Variants in ANKRD44 observed in about 807,000 individuals in gnomAD.
ANKRD44 encodes the protein serine/threonine-protein phosphatase 6 regulatory ankyrin repeat subunit B.
In ANKRD44, 35 loss-of-function variants were observed where a neutral mutation model predicts 116.0. The observed-to-expected ratio is 0.30, with a 90% CI of 0.23 to 0.40. The LOEUF (loss-of-function observed/expected upper bound fraction) is 0.40, where lower values mean the gene tolerates loss of function less well. Among genes scored for constraint, ANKRD44 ranks in the 10% least tolerant of loss-of-function variants. The pLI is 1.00. For synonymous variants in ANKRD44, 435 were observed against 461.8 expected, an observed-to-expected ratio of 0.94 and a Z score of 0.74; for missense variants, 1,014 against 1,242.6, an observed-to-expected ratio of 0.82 and a Z score of 2.77.
chr2:197,010,718 T>C (rs925306393), intron 18 of ANKRD44, among the ~76,000 whole-genome samples: 1 of 152,228 alleles, frequency 6.6e-6, no homozygotes, highest in Non-Finnish European at 1.5e-5. Flanking sequence ...AAATGTGACC[T>C]TCTCTCCTCT....
intron 17 of ANKRD44, chr2:197,015,751 G>A (rs994683136): frequency 1.9e-6 from 1 of 539,502 alleles, no homozygotes. Flanking sequence ...AGGGGGCTAT[G>A]GTGGTGGTGG....
At chr2:197,297,698 T>C (rs181938274) in intron 1 of ANKRD44, among the ~76,000 whole-genome samples, 152 of 152,340 alleles carry the variant, frequency 1.0e-3, no homozygotes, top group African/African-American at 3.5e-3. Flanking sequence ...GGAGCATTTT[T>C]GGAAATTGTT....
intron 1 of ANKRD44, among the ~76,000 whole-genome samples, chr2:197,248,574 G>GTATATATATATATATATATATATA (rs1237255982): frequency 8.4e-6 from 1 of 118,788 alleles, no homozygotes; most frequent in African/African-American, 2.9e-5. Context: ...GTGTGTGTGT[G>GTATATATATATATATATATATATA]TGTGTATATA....
chr2:197,041,833 C>A (rs993112468), intron 16 of ANKRD44, among the ~76,000 whole-genome samples: 1 of 152,072 alleles, frequency 6.6e-6, no homozygotes, highest in Non-Finnish European at 1.5e-5. Flanking sequence ...ATGAAATACA[C>A]AATAAAGAAC....
chr2:196,970,232 A>G (rs572670652), intron 21 of ANKRD44, among the ~76,000 whole-genome samples: 7 of 152,326 alleles, frequency 4.6e-5, no homozygotes, highest in African/African-American at 1.4e-4. Context: ...TCAGCCTTCA[A>G]CCATGGTTAT....
rs147297987 is a variant in ANKRD44, at chr2:197,242,251, TATAAC to T, written c.28-55150_28-55146del. Among the ~76,000 whole-genome samples the T allele has an allele frequency of 7.0e-3, 1,065 of 152,306 alleles. 17 individuals are homozygous for T. The highest frequency in any genetic ancestry group is 0.024 in the African/African-American group (1,008 of 41,590). ...TAATTGATAAACAGTACAGAAAAGT[TATAAC>T]AGATCTATGTAGCAAATATTTTATA... On this transcript the variant is annotated intron_variant, in intron 1 of 27. Transcript: ENST00000282272.
At position 197,007,838 on chromosome 2, in the gene ANKRD44, C is replaced by T; in HGVS notation, c.2098G>A (p.Asp700Asn). The T allele has an allele frequency of 6.2e-7, 1 of 1,613,846 alleles. No homozygotes were observed. Among genetic ancestry groups the T allele is most frequent in the Non-Finnish European group, 8.5e-7 (1 of 1,179,844 alleles). The change falls in exon 20 of 28, where the codon GAC becomes AAC. Residue 700 changes from aspartate to asparagine, a missense_variant. Coordinates refer to ENST00000282272, the MANE Select transcript of ANKRD44 (RefSeq NM_001195144.2). The part of the protein sequence containing the change: ...LEKEANVDTV[D>N]ILGCTALHRG... ...TGTAAAGCTGTGCATCCTAGGATGTCAACAGTGTCTACGTTGGCTTCCTTT... is the reference window on the plus strand; with the variant it reads ...TGTAAAGCTGTGCATCCTAGGATGTTAACAGTGTCTACGTTGGCTTCCTTT...
intron 21 of ANKRD44, among the ~76,000 whole-genome samples, chr2:196,978,260 C>T (rs1422633283): frequency 6.6e-6 from 1 of 150,386 alleles, no homozygotes; most frequent in African/African-American, 2.4e-5. Flanking sequence ...GAGTGTGGCA[C>T]CTCTCCCCTC....
intron 15 of ANKRD44, among the ~76,000 whole-genome samples, 181 bp from the exon 16 acceptor site, chr2:197,078,995 G>GTGTGTGTA: frequency 6.6e-6 from 1 of 151,944 alleles, no homozygotes; most frequent in Non-Finnish European, 1.5e-5. Context: ...GTGTGTGTGT[G>GTGTGTGTA]TGTATGTTTT....
In ANKRD44 at chr2:196,993,673, G is replaced by T; in HGVS notation, c.2833C>A (p.Pro945Thr). 6.4e-7 allele frequency: 1 copy of T among 1,550,616 alleles called. No homozygotes were observed. The highest frequency in any genetic ancestry group is 8.7e-7 in the Non-Finnish European group (1 of 1,146,834). The change falls in exon 27 of 28, where the codon CCC (proline) becomes ACC (threonine). Residue 945 changes from proline to threonine, a missense_variant and splice_region_variant. Transcript: ENST00000282272. ...INEKNNALQTPLHVAARNGLK... is the reference protein window; with the variant it reads ...INEKNNALQTTLHVAARNGLK... ...CCATTGCGCGCAGCGACGTGGAGGG[G>T]TCTAAAAAACACAAGACCGAGCATC...
chr2:196,972,737 G>C (rs899433388), intron 21 of ANKRD44, among the ~76,000 whole-genome samples: 20 of 152,126 alleles, frequency 1.3e-4, no homozygotes, highest in African/African-American at 4.8e-4. Flanking sequence ...TTTCTGATTG[G>C]TAGGTATCTG....
chr2:197,275,765 G>A (rs1169885522), intron 1 of ANKRD44, among the ~76,000 whole-genome samples: 2 of 152,044 alleles, frequency 1.3e-5, no homozygotes, highest in African/African-American at 2.4e-5. Flanking sequence ...GAGCAGGAAC[G>A]CTACAGTCCT....
intron 17 of ANKRD44, among the ~76,000 whole-genome samples, chr2:197,019,666 T>C (rs1196391487): frequency 6.6e-6 from 1 of 152,214 alleles, no homozygotes; most frequent in Non-Finnish European, 1.5e-5. Flanking sequence ...AAGTTATATG[T>C]TCCCGTAACC....
intron 8 of ANKRD44, among the ~76,000 whole-genome samples, chr2:197,120,648 T>A (rs1361647704): frequency 4.0e-5 from 6 of 149,920 alleles, no homozygotes; most frequent in Admixed American, 2.7e-4. Flanking sequence ...CAAAACTCCA[T>A]CTCAAAAAAA....
At chr2:197,012,878 A>G (rs921617695) in intron 18 of ANKRD44, among the ~76,000 whole-genome samples, 3 of 152,242 alleles carry the variant, frequency 2.0e-5, no homozygotes, top group African/African-American at 7.2e-5. Context: ...GCTGAGCTAG[A>G]GACTCTTCCA....
rs114704658 is a variant in ANKRD44 at position 197,131,501 on chromosome 2, C to T, written c.261+5091G>A. Reference sequence around the variant, plus strand: ...CCACCGCGCCCGGCGATAGTAAGTACTTAATAAACACTCGTAACTACAACA... The same window carrying T: ...CCACCGCGCCCGGCGATAGTAAGTATTTAATAAACACTCGTAACTACAACA... On this transcript the variant is annotated intron_variant, in intron 4 of 27. Coordinates refer to ENST00000282272, the MANE Select transcript of ANKRD44 (RefSeq NM_001195144.2). Among the ~76,000 whole-genome samples, 1,224 of 152,302 alleles carry T rather than the reference C, an allele frequency of 8.0e-3. 9 individuals are homozygous for T. The highest frequency in any genetic ancestry group is 0.013 in the Admixed American group (201 of 15,308).
At chr2:197,119,194 T>A (rs1002123734) in intron 8 of ANKRD44, among the ~76,000 whole-genome samples, 3 of 152,130 alleles carry the variant, frequency 2.0e-5, no homozygotes, top group Middle Eastern at 3.2e-3. Context: ...TAGTCATATA[T>A]ATGATTATTT....
intron 12 of ANKRD44, 87 bp downstream of exon 12, chr2:197,088,624 A>G: frequency 1.3e-6 from 1 of 777,924 alleles, no homozygotes; most frequent in Non-Finnish European, 1.9e-6. Context: ...TACTAAGGAA[A>G]TTGCCTTTGA....
At chr2:197,067,911 C>A (rs1438889743) in intron 16 of ANKRD44, among the ~76,000 whole-genome samples, 10 of 150,778 alleles carry the variant, frequency 6.6e-5, no homozygotes, top group African/African-American at 1.2e-4. Context: ...CACATGCACA[C>A]GTATGTTTAT....
Sources: allele counts gnomAD v4.1 joint callset (sites outside exome capture counted in the v4.1 genomes callset), GRCh38; gene constraint gnomAD v4.1.1; transcripts MANE v1.5; gene names NCBI Gene and HGNC (gene_info 2026-07-23, HGNC 2026-07-21).